PAK5: variants seen among roughly 807,000 people sequenced by gnomAD.
PAK5 encodes p21 (RAC1) activated kinase 5, also known as serine/threonine-protein kinase PAK 5.
A neutral mutation model predicts 65.9 loss-of-function variants in PAK5; 16 were observed. That is an observed-to-expected ratio of 0.24 (90% confidence interval 0.16 to 0.37). The LOEUF (loss-of-function observed/expected upper bound fraction) is 0.37. Ranked by LOEUF, PAK5 falls within the 10% of genes least tolerant of loss-of-function variation. The pLI, the probability that PAK5 is intolerant of heterozygous loss-of-function variation, is 1.00. For synonymous variants in PAK5, 371 were observed against 354.9 expected (o/e 1.05, Z -0.51); for missense variants, 785 against 903.9 (o/e 0.87, Z 1.69).
intron 3 of PAK5, among the ~76,000 whole-genome samples, chr20:9,606,075 T>C (rs1016110833): frequency 6.6e-6 from 1 of 152,174 alleles, no homozygotes. Context: ...CAAATAGTAA[T>C]CTCCAATGTT....
intron 4 of PAK5, among the ~76,000 whole-genome samples, chr20:9,573,167 A>T (rs557477725): frequency 4.6e-5 from 7 of 152,072 alleles, no homozygotes; most frequent in African/African-American, 1.4e-4. Context: ...TTTGTATACC[A>T]TATAAATTAA....
intron 1 of PAK5, among the ~76,000 whole-genome samples, chr20:9,741,589 T>C (rs994914768): frequency 6.6e-6 from 1 of 152,174 alleles, no homozygotes; most frequent in African/African-American, 2.4e-5. Flanking sequence ...AATTTTTTCA[T>C]CTATAAATTA....
chr20:9,790,022 G>A (rs1337127843), intron 1 of PAK5, among the ~76,000 whole-genome samples: 1 of 152,090 alleles, frequency 6.6e-6, no homozygotes, highest in Non-Finnish European at 1.5e-5. Context: ...GAGGGAGCTG[G>A]CAGAATTTAG....
intron 2 of PAK5, among the ~76,000 whole-genome samples, chr20:9,679,720 T>C (rs2047623999): frequency 6.6e-6 from 1 of 152,180 alleles, no homozygotes; most frequent in African/African-American, 2.4e-5. Context: ...AATACGGTGC[T>C]CTCATTTCCC....
intron 3 of PAK5, among the ~76,000 whole-genome samples, chr20:9,587,764 T>A (rs983864652): frequency 6.6e-6 from 1 of 152,152 alleles, no homozygotes; most frequent in African/African-American, 2.4e-5. Flanking sequence ...ACAATGGGGT[T>A]AATGCATTTT....
intron 7 of PAK5, among the ~76,000 whole-genome samples, chr20:9,547,136 C>G (rs2045357468): frequency 6.6e-6 from 1 of 152,134 alleles, no homozygotes; most frequent in Non-Finnish European, 1.5e-5. Context: ...GAAGGCAAAG[C>G]AGAGACTGGA....
chr20:9,549,163 C>T (rs750021663), intron 7 of PAK5, among the ~76,000 whole-genome samples: 1 of 152,048 alleles, frequency 6.6e-6, no homozygotes, highest in Non-Finnish European at 1.5e-5. Context: ...GGATAATTTG[C>T]AGAAGGAGAG....
At chr20:9,585,014 C>T (rs181386104) in intron 3 of PAK5, among the ~76,000 whole-genome samples, 10 of 152,284 alleles carry the variant, frequency 6.6e-5, no homozygotes, top group Admixed American at 5.9e-4. Flanking sequence ...TGGATCTACT[C>T]GGATAATCCT....
At chr20:9,652,008 A>C (rs541446809) in intron 2 of PAK5, among the ~76,000 whole-genome samples, 5 of 152,310 alleles carry the variant, frequency 3.3e-5, no homozygotes, top group African/African-American at 1.2e-4. Context: ...ACTTTAACGT[A>C]CCTCTTAAGA....
At chr20:9,562,868 C>A in intron 6 of PAK5, 23 bp downstream of exon 6, 4 of 1,603,686 alleles carry the variant, frequency 2.5e-6, no homozygotes, top group Non-Finnish European at 3.4e-6. Context: ...ACCTCGAATT[C>A]TCTGGATAAT....
chr20:9,651,363 C>G (rs1043820088), intron 2 of PAK5, among the ~76,000 whole-genome samples: 1 of 152,156 alleles, frequency 6.6e-6, no homozygotes, highest in East Asian at 1.9e-4. Context: ...AAGCCAGGTC[C>G]AATCAGTGGC....
chr20:9,658,828 A>G lies in PAK5; in HGVS notation c.-11-14489T>C, dbSNP rs142147124. On this transcript the variant is annotated intron_variant, in intron 2 of 9. Transcript: ENST00000353224. ...AAAAATATTTTTAAAGATGAGCACA[A>G]TTGGCTCTCACAAGCTCATGTGAGC... Among the ~76,000 whole-genome samples the G allele has an allele frequency of 4.0e-3, 605 of 152,304 alleles. 6 individuals carry two copies. Among genetic ancestry groups the G allele is most frequent in the Non-Finnish European group, 6.3e-3 (429 of 68,014 alleles).
chr20:9,568,186 A>G (rs140500929), intron 4 of PAK5, among the ~76,000 whole-genome samples: 112 of 152,334 alleles, frequency 7.4e-4, no homozygotes, highest in African/African-American at 2.6e-3. Context: ...GGAATGACAC[A>G]GTCTGACTCT....
At chr20:9,657,366 A>G (rs534101381) in intron 2 of PAK5, among the ~76,000 whole-genome samples, 36 of 152,238 alleles carry the variant, frequency 2.4e-4, no homozygotes, top group African/African-American at 8.4e-4. Flanking sequence ...CATGGTATGC[A>G]TGTACCATAC....
chr20:9,604,366 G>A (rs2046413972), intron 3 of PAK5, among the ~76,000 whole-genome samples: 1 of 152,244 alleles, frequency 6.6e-6, no homozygotes, highest in Non-Finnish European at 1.5e-5. Context: ...CCTCTCCCCT[G>A]TATGTGAGCC....
At chr20:9,570,934 G>A (rs1195464983) in intron 4 of PAK5, among the ~76,000 whole-genome samples, 2 of 152,202 alleles carry the variant, frequency 1.3e-5, no homozygotes, top group Admixed American at 1.3e-4. Context: ...GAAGAAGCCT[G>A]CCTGCACCAA....
chr20:9,725,471 T>A (rs1432791107), intron 1 of PAK5, among the ~76,000 whole-genome samples: 2 of 152,120 alleles, frequency 1.3e-5, no homozygotes, highest in African/African-American at 4.8e-5. Context: ...GAAAAAACAA[T>A]TAAATGATTA....
intron 2 of PAK5, among the ~76,000 whole-genome samples, chr20:9,672,906 C>G (rs186485420): frequency 6.6e-6 from 1 of 152,120 alleles, no homozygotes; most frequent in Admixed American, 6.6e-5. Context: ...ATAAAGGAGG[C>G]AGCAAATGCA....
intron 7 of PAK5, among the ~76,000 whole-genome samples, chr20:9,545,060 T>A (rs2045323389): frequency 6.6e-6 from 1 of 152,170 alleles, no homozygotes; most frequent in South Asian, 2.1e-4. Flanking sequence ...CCCTTTTTGG[T>A]TTGCTCCTTT....
Sources: allele counts gnomAD v4.1 joint callset (sites outside exome capture counted in the v4.1 genomes callset), GRCh38; gene constraint gnomAD v4.1.1; transcripts MANE v1.5; gene names NCBI Gene and HGNC (gene_info 2026-07-23, HGNC 2026-07-21).